NEGR1: variants seen among roughly 807,000 people sequenced by gnomAD.
NEGR1 encodes neuronal growth regulator 1, also known as IgLON family member 4.
NEGR1 carries 10 observed loss-of-function variants against 40.9 expected under a neutral mutation model. That is an observed-to-expected ratio of 0.24 (90% CI 0.15 to 0.42). The LOEUF (loss-of-function observed/expected upper bound fraction) is 0.42, where lower values mean the gene tolerates loss of function less well. Ranked by LOEUF, NEGR1 falls within the 10% of genes least tolerant of loss-of-function variation. The probability of loss-of-function intolerance (pLI) is 1.00; values close to 1 mark genes in which losing one functional copy is unlikely to be tolerated. For synonymous variants in NEGR1, 185 were observed against 166.8 expected (o/e 1.11, Z -0.84); for missense variants, 352 against 438.9 (o/e 0.80, Z 1.77).
chr1:71,869,127 C>T (rs1050710575), intron 2 of NEGR1, among the ~76,000 whole-genome samples: 1 of 152,148 alleles, frequency 6.6e-6, no homozygotes, highest in African/African-American at 2.4e-5. Context: ...AGAATCCTTT[C>T]ATGACTTATT....
chr1:71,922,335 A>G (rs1167139562), intron 2 of NEGR1, among the ~76,000 whole-genome samples: 1 of 152,224 alleles, frequency 6.6e-6, no homozygotes, highest in East Asian at 1.9e-4. Flanking sequence ...TAAAAAACAT[A>G]GTAGGCTGGG....
chr1:71,573,203 A>C (rs1423180322), intron 6 of NEGR1, among the ~76,000 whole-genome samples: 1 of 152,216 alleles, frequency 6.6e-6, no homozygotes, highest in East Asian at 1.9e-4. Context: ...TAGAATAGAT[A>C]AAGGGAAGTC....
chr1:72,277,090 A>G (rs111349598), intron 1 of NEGR1, among the ~76,000 whole-genome samples: 136 of 152,236 alleles, frequency 8.9e-4, no homozygotes, highest in African/African-American at 3.2e-3. Context: ...AAGAAGGGAG[A>G]AATGCCCTAG....
chr1:71,921,347 A>T (rs1645715298), intron 2 of NEGR1, among the ~76,000 whole-genome samples: 1 of 152,128 alleles, frequency 6.6e-6, no homozygotes, highest in Non-Finnish European at 1.5e-5. Flanking sequence ...AGGAAAGTAG[A>T]AACCAATCTA....
intron 5 of NEGR1, among the ~76,000 whole-genome samples, chr1:71,604,046 T>C (rs1174211060): frequency 6.6e-6 from 1 of 152,202 alleles, no homozygotes; most frequent in African/African-American, 2.4e-5. Flanking sequence ...ATGCTCATAC[T>C]ATCAGAGATA....
chr1:71,814,206 G>C (rs1204396149), intron 2 of NEGR1, among the ~76,000 whole-genome samples: 1 of 151,126 alleles, frequency 6.6e-6, no homozygotes, highest in African/African-American at 2.4e-5. Context: ...TTTGTCTTTA[G>C]TTCTCTTTAT....
rs534439456 is a variant in NEGR1, at chr1:71,808,470, G to C, written c.410-32173C>G. Among the ~76,000 whole-genome samples the C allele has an allele frequency of 5.9e-5, 9 of 152,198 alleles. No homozygotes were observed. In the South Asian group the frequency reaches 1.9e-3, roughly 32 times the overall value. On this transcript the variant is annotated intron_variant, in intron 2 of 6. Coordinates refer to ENST00000357731, the MANE Select transcript of NEGR1 (RefSeq NM_173808.3). ...AGGTAAATATTTTCCCTATTTTACA[G>C]ATGAAGTAAGCCTGAGAAGAGAGGT...
At chr1:72,127,289 C>T (rs960550104) in intron 1 of NEGR1, among the ~76,000 whole-genome samples, 2 of 151,486 alleles carry the variant, frequency 1.3e-5, no homozygotes, top group African/African-American at 4.8e-5. Flanking sequence ...ACGGTGAAAC[C>T]CTGTCTCTAC....
chr1:71,903,509 C>A (rs145309169), intron 2 of NEGR1, among the ~76,000 whole-genome samples: 49 of 151,984 alleles, frequency 3.2e-4, no homozygotes, highest in Admixed American at 4.6e-4. Flanking sequence ...AAATGAAAGA[C>A]TACCGGTGTG....
chr1:71,801,129 G>A (rs776187863), intron 2 of NEGR1, among the ~76,000 whole-genome samples: 1 of 152,034 alleles, frequency 6.6e-6, no homozygotes. Flanking sequence ...TGATCACTTT[G>A]TTCCCCTTGA....
chr1:72,056,456 T>C (rs1484933440), intron 1 of NEGR1, among the ~76,000 whole-genome samples: 1 of 151,450 alleles, frequency 6.6e-6, no homozygotes, highest in Non-Finnish European at 1.5e-5. Context: ...TCTTCTAAAC[T>C]TCTCAGAGTT....
intron 4 of NEGR1, among the ~76,000 whole-genome samples, chr1:71,617,801 G>A (rs1325218096): frequency 6.6e-6 from 1 of 152,180 alleles, no homozygotes; most frequent in Non-Finnish European, 1.5e-5. Context: ...GAGCACACAT[G>A]TTTTCTCTTA....
chr1:71,506,297 T>C lies in NEGR1; in HGVS notation c.940+86520A>G, dbSNP rs577331696. 1.6e-4 allele frequency among the ~76,000 whole-genome samples: 24 copies of C among 152,316 alleles called. No individual in the cohort carries two copies. In the South Asian group the frequency reaches 4.8e-3, roughly 30 times the overall value. ...TCATCTTTAGAAAAAACATTCCATC[T>C]GTTCGTAACAGTAGACCAGGGCTTG... On this transcript the variant is annotated intron_variant, in intron 6 of 6. Coordinates refer to ENST00000357731, the MANE Select transcript of NEGR1 (RefSeq NM_173808.3).
intron 1 of NEGR1, among the ~76,000 whole-genome samples, chr1:72,133,886 A>G (rs1650348859): frequency 6.6e-6 from 1 of 151,898 alleles, no homozygotes; most frequent in Non-Finnish European, 1.5e-5. Flanking sequence ...AGTACTATTC[A>G]ATGTTTGCAT....
chr1:71,790,105 A>T (rs1454912746), intron 2 of NEGR1, among the ~76,000 whole-genome samples: 1 of 152,098 alleles, frequency 6.6e-6, no homozygotes, highest in Non-Finnish European at 1.5e-5. Context: ...CTATGAACAT[A>T]TTGAGTGTGT....
chr1:72,085,472 C>G (rs1315073084), intron 1 of NEGR1, among the ~76,000 whole-genome samples: 1 of 152,144 alleles, frequency 6.6e-6, no homozygotes, highest in Non-Finnish European at 1.5e-5. Context: ...GTTTTTCTTA[C>G]TACCCTCAGT....
intron 4 of NEGR1, among the ~76,000 whole-genome samples, chr1:71,662,286 A>T (rs990699161): frequency 6.6e-5 from 10 of 152,236 alleles, no homozygotes; most frequent in Non-Finnish European, 1.3e-4. Context: ...TCACACTGCC[A>T]GTAGGGTTTT....
At chr1:72,130,135 T>C (rs937092291) in intron 1 of NEGR1, among the ~76,000 whole-genome samples, 1 of 152,124 alleles carries the variant, frequency 6.6e-6, no homozygotes, top group African/African-American at 2.4e-5. Flanking sequence ...CAATGTATGG[T>C]CCTCCAATTA....
At chr1:72,059,319 C>T (rs1049354015) in intron 1 of NEGR1, among the ~76,000 whole-genome samples, 2 of 151,540 alleles carry the variant, frequency 1.3e-5, no homozygotes, top group Admixed American at 6.6e-5. Flanking sequence ...GGTCTGATCA[C>T]CCCTCATGCT....
Sources: gnomAD v4.1 joint callset for allele counts (sites outside exome capture counted in the v4.1 genomes callset) on GRCh38, gnomAD v4.1.1 for gene constraint, MANE v1.5 for transcripts, NCBI Gene and HGNC (gene_info 2026-07-23, HGNC 2026-07-21) for gene names.